NBEAL1: variants seen among roughly 807,000 people sequenced by gnomAD.
The protein encoded by NBEAL1 is neurobeachin-like protein 1.
In NBEAL1, 273 loss-of-function variants were observed where a neutral mutation model predicts 351.3. The observed-to-expected ratio is 0.78, with a 90% CI of 0.70 to 0.86. NBEAL1 has a LOEUF of 0.86. Ranked by LOEUF, NBEAL1 falls within the 40% of genes least tolerant of loss-of-function variation. The pLI is 0.00. For missense variants in NBEAL1, 2,961 were observed against 3,201.3 expected (o/e 0.92, Z 1.81); for synonymous variants, 1,050 against 1,086.4 (o/e 0.97, Z 0.66).
intron 12 of NBEAL1, 21 bp downstream of exon 12, chr2:203,099,733 C>CTTTT: frequency 1.7e-6 from 2 of 1,208,560 alleles, no homozygotes; most frequent in Admixed American, 2.8e-5. Flanking sequence ...TATCCTCCAG[C>CTTTT]TTTTTTTTTT....
intron 51 of NBEAL1, among the ~76,000 whole-genome samples, chr2:203,205,031 G>A (rs573859483): frequency 6.6e-6 from 1 of 151,874 alleles, no homozygotes; most frequent in East Asian, 1.9e-4. Context: ...AATACAATAA[G>A]GTAAGCAAAA....
Position 203,026,970 on chromosome 2 carries a change from G to A in NBEAL1, c.51+10535G>A, listed in dbSNP as rs190098448. 4.6e-5 allele frequency among the ~76,000 whole-genome samples: 7 copies of A among 152,210 alleles called. No homozygotes were observed. In the East Asian group the frequency reaches 1.2e-3, roughly 25 times the overall value. On this transcript the variant is annotated intron_variant, in intron 2 of 55. Transcript: ENST00000683969. ...AATGCCTTGTAGTGTTTTAATATAC[G>A]TTCAGCCTGGCTGTTGACAAAAACC...
chr2:203,076,794 G>T (rs2061782812), intron 7 of NBEAL1, among the ~76,000 whole-genome samples: 1 of 151,572 alleles, frequency 6.6e-6, no homozygotes, highest in Admixed American at 6.6e-5. Context: ...ATTTCACCAT[G>T]TTGGCCAGGC....
At chr2:203,191,460 T>A in intron 46 of NBEAL1, 1 of 509,910 alleles carries the variant, frequency 2.0e-6, no homozygotes, top group Non-Finnish European at 3.4e-6. Flanking sequence ...AGGTTTAGAT[T>A]AATGGAAATT....
At chr2:203,130,567 AT>A in intron 25 of NBEAL1, 91 bp downstream of exon 25, 1 of 798,966 alleles carries the variant, frequency 1.3e-6, no homozygotes, top group Non-Finnish European at 1.7e-6. Flanking sequence ...ACTATAAATT[AT>A]TTTTATATCT....
chr2:203,078,366 G>A (rs1221018460), intron 8 of NBEAL1, among the ~76,000 whole-genome samples: 1 of 151,988 alleles, frequency 6.6e-6, no homozygotes, highest in Non-Finnish European at 1.5e-5. Context: ...TTGAAATGGG[G>A]TCTTGCTGTG....
At chr2:203,057,219 A>C in intron 5 of NBEAL1, 107 bp from the exon 6 acceptor site, 1 of 928,704 alleles carries the variant, frequency 1.1e-6, no homozygotes, top group Non-Finnish European at 1.6e-6. Flanking sequence ...ATATGATTAA[A>C]TGACTCTTAG....
chr2:203,132,268 C>T (rs561515530), intron 26 of NBEAL1, 136 bp downstream of exon 26: 13 of 603,702 alleles, frequency 2.2e-5, no homozygotes, highest in African/African-American at 3.8e-5. Flanking sequence ...CCATATCTTA[C>T]GTAGTTTTGT....
chr2:203,199,706 C>G (rs776118783), intron 49 of NBEAL1, among the ~76,000 whole-genome samples: 1 of 152,026 alleles, frequency 6.6e-6, no homozygotes, highest in Non-Finnish European at 1.5e-5. Flanking sequence ...GTCTCAAACC[C>G]TTGACCTCAA....
chr2:203,162,085 G>A (rs1322311272), intron 36 of NBEAL1, among the ~76,000 whole-genome samples: 3 of 147,270 alleles, frequency 2.0e-5, no homozygotes, highest in Non-Finnish European at 3.0e-5. Context: ...GTGCAGTGGC[G>A]CGATCTCGGC....
At chr2:203,164,541 T>G (rs902139253) in intron 36 of NBEAL1, among the ~76,000 whole-genome samples, 5 of 152,134 alleles carry the variant, frequency 3.3e-5, no homozygotes, top group African/African-American at 1.2e-4. Context: ...TAAATAACCC[T>G]CAGACTATTT....
chr2:203,083,397 A>G lies in NBEAL1; in HGVS notation c.863A>G (p.Gln288Arg). ...CTCAGTAGCAACTCTGATCAGCGTC[A>G]AGTGGAAACCAGTACTATTCTGGAG... ...ILLSSNSDQRQVETSTILENY... is the reference protein window; with the variant it reads ...ILLSSNSDQRRVETSTILENY... Residue 288 changes from glutamine (Q) to arginine (R), a missense_variant, in exon 9 of 56, where the codon CAA (glutamine) becomes CGA (arginine). Physicochemically the swap from Gln to Arg is conservative, Grantham distance 43. Transcript: ENST00000683969. 5 of 1,555,454 alleles carry G rather than the reference A, an allele frequency of 3.2e-6. No homozygotes were observed. Among genetic ancestry groups the G allele is most frequent in the Non-Finnish European group, 4.4e-6 (5 of 1,147,994 alleles).
chr2:203,070,668 C>G lies in NBEAL1; in HGVS notation c.598+2193C>G, dbSNP rs545375763. 5.1e-4 allele frequency among the ~76,000 whole-genome samples: 77 copies of G among 152,262 alleles called. 1 individual carries two copies. Among genetic ancestry groups the G allele is most frequent in the Middle Eastern group, 6.8e-3 (2 of 294 alleles). On this transcript the variant is annotated intron_variant, in intron 7 of 55. Transcript: ENST00000683969. Reference sequence around the variant, plus strand: ...TCTGCTTCTGGGGAAGCCTCAGGAGCTTTTACTTACTGCAGAAGGCAAAGC... The same window carrying G: ...TCTGCTTCTGGGGAAGCCTCAGGAGGTTTTACTTACTGCAGAAGGCAAAGC...
chr2:203,104,207 G>C (rs144233397), intron 12 of NBEAL1, among the ~76,000 whole-genome samples: 3 of 152,162 alleles, frequency 2.0e-5, no homozygotes, highest in Non-Finnish European at 4.4e-5. Flanking sequence ...AGGTCTCTAA[G>C]AATTACAAAT....
Position 203,218,583 on chromosome 2 carries a change from T to G in NBEAL1, c.*1229T>G, listed in dbSNP as rs1014200834. On this transcript the variant is annotated 3_prime_UTR_variant, in exon 56 of 56. Coordinates refer to ENST00000683969, the MANE Select transcript of NBEAL1 (RefSeq NM_001378026.1). ...GGAAGGAATGGTTACATGGCTTTCTTTAAAGGGATCTGTTTCCAGTAATAG... is the reference window on the plus strand; with the variant it reads ...GGAAGGAATGGTTACATGGCTTTCTGTAAAGGGATCTGTTTCCAGTAATAG... 1 of 152,162 alleles carries G rather than the reference T, an allele frequency of 6.6e-6. No individual in the cohort carries two copies. Among genetic ancestry groups the G allele is most frequent in the Non-Finnish European group, 1.5e-5 (1 of 68,024 alleles). 9.4% of individuals were successfully genotyped at this position (152,162 alleles called of 1,614,324 possible).
In NBEAL1 at chr2:203,107,414, C is replaced by G. The variant is rs1403919428; in HGVS notation, c.1270-6C>G. 6.9e-7 allele frequency: 1 copy of G among 1,455,716 alleles called. No homozygotes were observed. Among genetic ancestry groups the G allele is most frequent in the Non-Finnish European group, 9.4e-7 (1 of 1,065,216 alleles). 90.2% of individuals were successfully genotyped at this position (1,455,716 alleles called of 1,614,324 possible). A position where few individuals can be genotyped will look rare whatever the true frequency, so the allele number is the denominator to read the frequency against. The stretch of plus-strand genomic sequence containing the variant: ...TACTTTGATATATTGTCTTCCCATC[C>G]CCTAGGAAGTATTTAAAGAAAGAAT... On this transcript the variant is annotated splice_polypyrimidine_tract_variant and splice_region_variant and intron_variant, in intron 12 of 55. Transcript: ENST00000683969.
At position 203,172,751 on chromosome 2, in the gene NBEAL1, A is replaced by T. The variant is rs752094324; in HGVS notation, c.6221A>T (p.Tyr2074Phe). Reference sequence around the variant, plus strand: ...TAGTTTCCCTGGATTTTACAAGATTATACTTCGGAAGAGTTGGACCTTAAT... The same window carrying T: ...TAGTTTCCCTGGATTTTACAAGATTTTACTTCGGAAGAGTTGGACCTTAAT... ...YPVFPWILQD[Y>F]TSEELDLNNP... The change falls in exon 41 of 56, where the codon TAT becomes TTT. Residue 2074 changes from tyrosine (Y) to phenylalanine (F), a missense_variant. Tyr to Phe is a conservative substitution (Grantham distance 22). Coordinates refer to ENST00000683969, the MANE Select transcript of NBEAL1 (RefSeq NM_001378026.1). 7.4e-6 allele frequency: 12 copies of T among 1,610,756 alleles called. No individual in the cohort carries two copies. The highest frequency in any genetic ancestry group is 2.2e-5 in the South Asian group (2 of 90,218).
rs1261307302 is a variant in NBEAL1, at chr2:203,164,254, A to AAT, written c.5715-1884_5715-1883dup. 1.3e-4 allele frequency among the ~76,000 whole-genome samples: 19 copies of AAT among 151,896 alleles called. No individual in the cohort carries two copies. In the East Asian group the frequency reaches 2.1e-3, roughly 17 times the overall value. ...GTGTCAGAGTGAGACCCCATCTAAA[A>AAT]ATATATATATATTACAAATTGACTA... On this transcript the variant is annotated intron_variant, in intron 36 of 55. Coordinates refer to ENST00000683969, the MANE Select transcript of NBEAL1 (RefSeq NM_001378026.1).
At chr2:203,041,650 A>T (rs2061142847) in intron 2 of NBEAL1, 115 bp from the exon 3 acceptor site, 1 of 685,766 alleles carries the variant, frequency 1.5e-6, no homozygotes, top group Non-Finnish European at 2.5e-6. Context: ...GTACTCCTAA[A>T]TATCACTTGG....
Sources: allele counts gnomAD v4.1 joint callset (sites outside exome capture counted in the v4.1 genomes callset), GRCh38; gene constraint gnomAD v4.1.1; transcripts MANE v1.5; gene names NCBI Gene and HGNC (gene_info 2026-07-23, HGNC 2026-07-21).